Variants in CDH6 observed in about 807,000 individuals in gnomAD.
The protein encoded by CDH6 is cadherin 6, also known as cadherin-6.
Under a neutral mutation model 78.0 loss-of-function variants are expected in CDH6, and 31 were observed. The ratio of observed to expected loss-of-function variants is 0.40; its 90% CI spans 0.30 to 0.54. CDH6 has a LOEUF of 0.54. Ranked by LOEUF, CDH6 falls within the 20% of genes least tolerant of loss-of-function variation. CDH6 has a pLI of 0.56. For synonymous variants in CDH6, 376 were observed against 368.8 expected, an observed-to-expected ratio of 1.02 and a Z score of -0.23; for missense variants, 724 against 975.9, an observed-to-expected ratio of 0.74 and a Z score of 3.44.
intron 1 of CDH6, among the ~76,000 whole-genome samples, chr5:31,261,907 A>C (rs1343470953): frequency 6.6e-6 from 1 of 152,190 alleles, no homozygotes; most frequent in East Asian, 1.9e-4. Flanking sequence ...CCAGAGAAGC[A>C]ATTCAATCAA....
chr5:31,217,809 A>C (rs1186169010), intron 1 of CDH6, among the ~76,000 whole-genome samples: 1 of 152,124 alleles, frequency 6.6e-6, no homozygotes, highest in Admixed American at 6.6e-5. Context: ...CTATTTAACT[A>C]ATGTTTTCAT....
intron 1 of CDH6, among the ~76,000 whole-genome samples, chr5:31,239,399 A>G (rs1374312380): frequency 2.0e-5 from 3 of 152,154 alleles, no homozygotes; most frequent in Non-Finnish European, 2.9e-5. Context: ...TTGCTGGGAT[A>G]CTTCTGATGC....
At chr5:31,201,682 AG>A (rs1258924901) in intron 1 of CDH6, among the ~76,000 whole-genome samples, 1 of 152,198 alleles carries the variant, frequency 6.6e-6, no homozygotes, top group Non-Finnish European at 1.5e-5. Flanking sequence ...GAAATCCAAA[AG>A]TCTGGGGACC....
chr5:31,285,896 G>C (rs968548693), intron 2 of CDH6, among the ~76,000 whole-genome samples: 9 of 152,168 alleles, frequency 5.9e-5, no homozygotes, highest in Non-Finnish European at 1.3e-4. Context: ...GCAATAACTT[G>C]AATTACCTCC....
rs540497740 is a variant in CDH6, at chr5:31,217,691, T to C, written c.-129+23805T>C. ...TGGCGAGGTAAAACACAGTAACTGATGTTGAGGGGGTGAACATTTTTCAGC... is the reference window on the plus strand; with the variant it reads ...TGGCGAGGTAAAACACAGTAACTGACGTTGAGGGGGTGAACATTTTTCAGC... On this transcript the variant is annotated intron_variant, in intron 1 of 11. Coordinates refer to ENST00000265071, the MANE Select transcript of CDH6 (RefSeq NM_004932.4). 2.0e-5 allele frequency among the ~76,000 whole-genome samples: 3 copies of C among 152,202 alleles called. No homozygotes were observed. In the East Asian group the frequency reaches 5.8e-4, roughly 29 times the overall value.
chr5:31,217,285 TTCACATC>T (rs1274285206), intron 1 of CDH6, among the ~76,000 whole-genome samples: 3 of 152,180 alleles, frequency 2.0e-5, no homozygotes, highest in Non-Finnish European at 4.4e-5. Context: ...AGAAATACAT[TTCACATC>T]ACAGCCTAAT....
chr5:31,287,567 A>G (rs901417096), intron 2 of CDH6, among the ~76,000 whole-genome samples: 4 of 152,186 alleles, frequency 2.6e-5, no homozygotes, highest in African/African-American at 7.2e-5. Flanking sequence ...AAAGGCCTGG[A>G]GAGGTTAACT....
At chr5:31,218,197 T>C (rs967365678) in intron 1 of CDH6, among the ~76,000 whole-genome samples, 4 of 152,146 alleles carry the variant, frequency 2.6e-5, no homozygotes, top group African/African-American at 9.6e-5. Context: ...AATTATAATA[T>C]ATTATCCAAT....
intron 2 of CDH6, among the ~76,000 whole-genome samples, chr5:31,270,296 T>C (rs1314209461): frequency 6.6e-6 from 1 of 152,228 alleles, no homozygotes; most frequent in Non-Finnish European, 1.5e-5. Flanking sequence ...TATAGTGCCA[T>C]GTATTAAATA....
At chr5:31,203,582 A>C (rs1740430947) in intron 1 of CDH6, among the ~76,000 whole-genome samples, 3 of 147,302 alleles carry the variant, frequency 2.0e-5, no homozygotes, top group Non-Finnish European at 4.5e-5. Context: ...TGAACTCATC[A>C]TTTTTTATGG....
At chr5:31,209,593 G>A (rs1740635183) in intron 1 of CDH6, among the ~76,000 whole-genome samples, 1 of 152,196 alleles carries the variant, frequency 6.6e-6, no homozygotes, top group Non-Finnish European at 1.5e-5. Flanking sequence ...AGATCTGATT[G>A]CTTCTCACTC....
In CDH6 at chr5:31,267,640, T is replaced by A. The variant is rs540475400; in HGVS notation, c.167T>A (p.Met56Lys). Residue 56 changes from methionine (M) to lysine (K), a missense_variant, in exon 2 of 12, where the codon ATG becomes AAG. By Grantham distance (95) the Met-to-Lys change is moderately conservative. Coordinates refer to ENST00000265071, the MANE Select transcript of CDH6 (RefSeq NM_004932.4). ...CTGAACCGTTCAAAAAGGAGCTGGA[T>A]GTGGAATCAGTTCTTTCTCCTGGAG... Reference protein sequence around the residue: ...NELNRSKRSWMWNQFFLLEEY... With the variant: ...NELNRSKRSWKWNQFFLLEEY... 84 of 1,614,134 alleles carry A rather than the reference T, an allele frequency of 5.2e-5. 1 individual carries two copies. In the South Asian group the frequency reaches 9.0e-4, roughly 17 times the overall value.
At position 31,261,415 on chromosome 5, in the gene CDH6, G is replaced by T. The variant is rs180998948; in HGVS notation, c.-128-5931G>T. 9.2e-3 allele frequency among the ~76,000 whole-genome samples: 1,399 copies of T among 152,238 alleles called. 21 individuals carry two copies. The highest frequency in any genetic ancestry group is 0.032 in the African/African-American group (1,318 of 41,522). On this transcript the variant is annotated intron_variant, in intron 1 of 11. Transcript: ENST00000265071. ...AAAAGAGTTCTATATTTATGGGTTA[G>T]GAAGAGTTAAGTGTAGATCATCCAA...
chr5:31,316,179 C>A (rs1310144245), intron 8 of CDH6, 29 bp from the exon 9 acceptor site: 12 of 1,589,104 alleles, frequency 7.6e-6, no homozygotes, highest in Non-Finnish European at 1.0e-5. Flanking sequence ...CATGTAAATG[C>A]CTTTTTCTTT....
intron 2 of CDH6, among the ~76,000 whole-genome samples, chr5:31,293,617 A>G (rs1737479974): frequency 6.6e-6 from 1 of 152,164 alleles, no homozygotes; most frequent in African/African-American, 2.4e-5. Flanking sequence ...GCTGTAGTGA[A>G]AAATAGGAAA....
At chr5:31,299,747 C>A in intron 5 of CDH6, 116 bp downstream of exon 5, 1 of 826,446 alleles carries the variant, frequency 1.2e-6, no homozygotes, top group Non-Finnish European at 1.9e-6. Context: ...TTAAGAAGAA[C>A]TGGTACTTTT....
At position 31,325,515 on chromosome 5, in the gene CDH6, G is replaced by T. The variant is rs1042239784; in HGVS notation, c.*2207G>T. ...CACGATTTACTGTAAAATTAAAGAGGTCTCTATCTGTATGTTTCATGTCAC... is the reference window on the plus strand; with the variant it reads ...CACGATTTACTGTAAAATTAAAGAGTTCTCTATCTGTATGTTTCATGTCAC... On this transcript the variant is annotated 3_prime_UTR_variant, in exon 12 of 12. Transcript: ENST00000265071. The T allele has an allele frequency of 4.3e-6, 1 of 230,694 alleles. No homozygotes were observed. The highest frequency in any genetic ancestry group is 2.2e-5 in the African/African-American group (1 of 45,198). 14.3% of individuals were successfully genotyped at this position (230,694 alleles called of 1,614,324 possible).
chr5:31,252,938 C>T (rs1037593406), intron 1 of CDH6, among the ~76,000 whole-genome samples: 2 of 152,066 alleles, frequency 1.3e-5, no homozygotes, highest in Non-Finnish European at 2.9e-5. Context: ...TAGCAATGTG[C>T]TAAGTGTTTT....
intron 2 of CDH6, among the ~76,000 whole-genome samples, chr5:31,274,755 G>T (rs573533163): frequency 1.3e-5 from 2 of 152,348 alleles, no homozygotes; most frequent in African/African-American, 2.4e-5. Flanking sequence ...GGGAGGCAAA[G>T]GTTGCAGTGA....
Sources: allele counts gnomAD v4.1 joint callset (sites outside exome capture counted in the v4.1 genomes callset), GRCh38; gene constraint gnomAD v4.1.1; transcripts MANE v1.5; gene names NCBI Gene and HGNC (gene_info 2026-07-23, HGNC 2026-07-21).